Variants in BMPR1B observed in about 807,000 individuals in gnomAD.
The protein encoded by BMPR1B is bone morphogenetic protein receptor type 1B.
BMPR1B carries 12 observed loss-of-function variants against 59.1 expected under a neutral mutation model. That is an observed-to-expected ratio of 0.20 (90% CI 0.13 to 0.33). The LOEUF is 0.33. BMPR1B is among the 10% of genes least tolerant of loss of function. The pLI, the probability that BMPR1B is intolerant of heterozygous loss-of-function variation, is 1.00. For synonymous variants in BMPR1B, 237 were observed against 207.3 expected (o/e 1.14, Z -1.23); for missense variants, 550 against 610.9 (o/e 0.90, Z 1.05).
intron 3 of BMPR1B, among the ~76,000 whole-genome samples, chr4:95,072,609 ATATTGAAACTAAC>A (rs1328986952): frequency 6.6e-6 from 1 of 152,188 alleles, no homozygotes; most frequent in Admixed American, 6.5e-5. Flanking sequence ...TTTTTCATGT[ATATTGAAACTAAC>A]TATATGGGAT....
At chr4:94,904,065 A>G (rs907782264) in intron 2 of BMPR1B, among the ~76,000 whole-genome samples, 3 of 152,016 alleles carry the variant, frequency 2.0e-5, no homozygotes, top group African/African-American at 7.2e-5. Flanking sequence ...TTTATATCTT[A>G]TGATGATATG....
At chr4:95,105,842 G>C (rs954002937) in intron 4 of BMPR1B, among the ~76,000 whole-genome samples, 2 of 151,968 alleles carry the variant, frequency 1.3e-5, no homozygotes, top group South Asian at 4.1e-4. Context: ...TATCAGGAGA[G>C]TTTAAAAATG....
At chr4:95,025,668 A>T (rs1377056551) in intron 3 of BMPR1B, among the ~76,000 whole-genome samples, 2 of 151,468 alleles carry the variant, frequency 1.3e-5, no homozygotes, top group Non-Finnish European at 3.0e-5. Context: ...TAGAAGAAGG[A>T]GGTGAGTGGG....
At chr4:94,819,163 T>C (rs1186530635) in intron 1 of BMPR1B, among the ~76,000 whole-genome samples, 6 of 151,952 alleles carry the variant, frequency 3.9e-5, no homozygotes, top group Non-Finnish European at 7.4e-5. Flanking sequence ...TTTTCTCTTA[T>C]AGGCTTAACT....
chr4:95,015,036 G>A (rs1375690524), intron 3 of BMPR1B, among the ~76,000 whole-genome samples: 1 of 152,076 alleles, frequency 6.6e-6, no homozygotes, highest in Non-Finnish European at 1.5e-5. Context: ...AACCTTTAGG[G>A]CCTTTGTGAA....
At chr4:95,137,029 CTTTCTTTTGTGGGCAT>C (rs1733847069) in intron 10 of BMPR1B, among the ~76,000 whole-genome samples, 1 of 152,132 alleles carries the variant, frequency 6.6e-6, no homozygotes, top group African/African-American at 2.4e-5. Context: ...ATCTTTCCTG[CTTTCTTTTGTGGGCAT>C]TTAGTGCTAT....
At chr4:94,828,880 C>G (rs535975833) in intron 1 of BMPR1B, among the ~76,000 whole-genome samples, 18 of 151,894 alleles carry the variant, frequency 1.2e-4, no homozygotes, top group African/African-American at 4.1e-4. Flanking sequence ...AAATAAAGAG[C>G]TAATCATTTA....
intron 3 of BMPR1B, among the ~76,000 whole-genome samples, chr4:95,030,196 C>G (rs540161597): frequency 1.3e-5 from 2 of 152,146 alleles, no homozygotes. Context: ...TTGCCCATGC[C>G]TATGTCCTGA....
At chr4:94,788,506 A>C (rs913043222) in intron 1 of BMPR1B, among the ~76,000 whole-genome samples, 8 of 152,126 alleles carry the variant, frequency 5.3e-5, no homozygotes, top group African/African-American at 1.9e-4. Context: ...GTCACCCCAT[A>C]AGGCAAAAAC....
chr4:94,782,170 T>G (rs1335868782), intron 1 of BMPR1B, among the ~76,000 whole-genome samples: 1 of 151,970 alleles, frequency 6.6e-6, no homozygotes, highest in African/African-American at 2.4e-5. Flanking sequence ...AGGTTCTGCT[T>G]ATTTTTCTTC....
intron 2 of BMPR1B, among the ~76,000 whole-genome samples, chr4:94,917,095 C>A (rs1409033250): frequency 6.6e-6 from 1 of 152,222 alleles, no homozygotes; most frequent in Non-Finnish European, 1.5e-5. Flanking sequence ...GAATGCTTGG[C>A]AGCCTCTGCC....
At chr4:94,892,316 A>G (rs1169138202) in intron 2 of BMPR1B, among the ~76,000 whole-genome samples, 1 of 152,096 alleles carries the variant, frequency 6.6e-6, no homozygotes, top group Non-Finnish European at 1.5e-5. Flanking sequence ...CCCCAGACCC[A>G]CTGAATCTGA....
rs150757840 is a variant in BMPR1B at position 95,130,832 on chromosome 4, G to A, written c.779-383G>A. Among the ~76,000 whole-genome samples the A allele has an allele frequency of 6.5e-3, 922 of 141,696 alleles. 5 individuals carry two copies. Among genetic ancestry groups the A allele is most frequent in the Non-Finnish European group, 9.0e-3 (598 of 66,606 alleles). The allele number at this position is 141,696 out of a possible 152,430, so 93.0% of individuals were successfully genotyped here. ...GGTAATCTCTGCTTCCCAGGTTAAA[G>A]CAATTCTCCTGCTTAGCTTCCCGAG... is the stretch of plus-strand genomic sequence containing the variant. On this transcript the variant is annotated intron_variant, in intron 9 of 12. Transcript: ENST00000515059.
intron 2 of BMPR1B, among the ~76,000 whole-genome samples, chr4:94,922,058 G>A (rs760549308): frequency 2.1e-4 from 32 of 151,952 alleles, no homozygotes; most frequent in Non-Finnish European, 8.8e-5. Flanking sequence ...CTGCAGCCTC[G>A]ACCTTCTGGG....
rs372686094 is a variant in BMPR1B at position 94,786,832 on chromosome 4, T to C, written c.-183+28764T>C. 1.4e-4 allele frequency among the ~76,000 whole-genome samples: 21 copies of C among 152,110 alleles called. No individual in the cohort carries two copies. In the South Asian group the frequency reaches 1.7e-3, roughly 12 times the overall value. On this transcript the variant is annotated intron_variant, in intron 1 of 12. Transcript: ENST00000515059. The stretch of plus-strand genomic sequence containing the variant: ...GTGCTGGGATTACAGGCGTGAGCCA[T>C]CGTGCCCAGCCCACTTAGCTAATTT...
chr4:95,020,577 CAAAAA>C (rs10549500), intron 3 of BMPR1B, among the ~76,000 whole-genome samples: 9 of 123,746 alleles, frequency 7.3e-5, no homozygotes, highest in East Asian at 4.7e-4. Flanking sequence ...GACTCCATCT[CAAAAA>C]AAAAAAAAAA....
At chr4:94,830,887 C>G (rs1025350843) in intron 1 of BMPR1B, among the ~76,000 whole-genome samples, 15 of 152,064 alleles carry the variant, frequency 9.9e-5, no homozygotes, top group Admixed American at 3.9e-4. Flanking sequence ...AAGTATAGCA[C>G]AATGACAATT....
intron 1 of BMPR1B, among the ~76,000 whole-genome samples, chr4:94,827,538 G>T (rs1055290710): frequency 2.6e-5 from 4 of 152,148 alleles, no homozygotes; most frequent in African/African-American, 9.7e-5. Flanking sequence ...AGTTAGGCAT[G>T]TGAGCAGACA....
intron 2 of BMPR1B, among the ~76,000 whole-genome samples, chr4:94,952,456 T>A (rs1261846541): frequency 6.6e-6 from 1 of 152,212 alleles, no homozygotes; most frequent in African/African-American, 2.4e-5. Context: ...TCTGGTACAT[T>A]GTGTCTTCGT....
Sources: allele counts gnomAD v4.1 joint callset (sites outside exome capture counted in the v4.1 genomes callset), GRCh38; gene constraint gnomAD v4.1.1; transcripts MANE v1.5; gene names NCBI Gene and HGNC (gene_info 2026-07-23, HGNC 2026-07-21).